PI4KA: variants seen among roughly 807,000 people sequenced by gnomAD.
PI4KA encodes PI4-kinase alpha.
A neutral mutation model predicts 271.4 loss-of-function variants in PI4KA; 122 were observed. That is an observed-to-expected ratio of 0.45 (90% CI 0.39 to 0.52). The LOEUF (loss-of-function observed/expected upper bound fraction) is 0.52. Among genes scored for constraint, PI4KA ranks in the 20% least tolerant of loss-of-function variants. PI4KA has a pLI of 0.00. For synonymous variants in PI4KA, 1,041 were observed against 1,078.8 expected (o/e 0.96, Z 0.69); for missense variants, 1,969 against 2,769.1 (o/e 0.71, Z 6.48).
chr22:20,800,496 C>T (rs769159378), intron 14 of PI4KA, among the ~76,000 whole-genome samples: 9 of 151,986 alleles, frequency 5.9e-5, no homozygotes, highest in South Asian at 2.1e-4. Context: ...TATGATGATA[C>T]GTTACTCTGG....
chr22:20,848,753 G>A (rs955224452), intron 1 of PI4KA, among the ~76,000 whole-genome samples: 1 of 151,868 alleles, frequency 6.6e-6, no homozygotes, highest in African/African-American at 2.4e-5. Context: ...ACAGGTGTAA[G>A]TCTTTGTGAC....
intron 19 of PI4KA, 33 bp downstream of exon 19, chr22:20,793,160 G>T (rs200872746): frequency 7.0e-6 from 9 of 1,280,868 alleles, no homozygotes; most frequent in Non-Finnish European, 1.0e-5. Context: ...CACAGTATCT[G>T]CAGTTTTTAT....
At chr22:20,716,112 G>A (rs1178101463) in intron 45 of PI4KA, among the ~76,000 whole-genome samples, 1 of 151,848 alleles carries the variant, frequency 6.6e-6, no homozygotes, top group African/African-American at 2.4e-5. Flanking sequence ...GCGCAGTGGC[G>A]CAATCTTGGC....
At chr22:20,808,747 C>G (rs1262969812) in intron 9 of PI4KA, among the ~76,000 whole-genome samples, 1 of 151,516 alleles carries the variant, frequency 6.6e-6, no homozygotes, top group Non-Finnish European at 1.5e-5. Flanking sequence ...GGTATGATCA[C>G]AGCTCACTGC....
At chr22:20,829,050 G>A (rs575591720) in intron 3 of PI4KA, among the ~76,000 whole-genome samples, 1 of 152,274 alleles carries the variant, frequency 6.6e-6, no homozygotes, top group Admixed American at 6.5e-5. Flanking sequence ...TTGATGTGCT[G>A]CTAGATTCAG....
intron 42 of PI4KA, chr22:20,721,983 T>A (rs1926787667): frequency 6.4e-6 from 1 of 155,662 alleles, no homozygotes; most frequent in African/African-American, 2.4e-5. Flanking sequence ...TGACAGCGAA[T>A]GAGTTCTCAG....
chr22:20,852,504 T>C (rs1033017125), intron 1 of PI4KA, among the ~76,000 whole-genome samples: 2 of 152,238 alleles, frequency 1.3e-5, no homozygotes, highest in Non-Finnish European at 2.9e-5. Context: ...TACTTTGTTA[T>C]GGCAGCCTAG....
At chr22:20,724,137 C>CGTTA (rs111897283) in intron 42 of PI4KA, among the ~76,000 whole-genome samples, 2 of 150,710 alleles carry the variant, frequency 1.3e-5, no homozygotes, top group African/African-American at 4.9e-5. Context: ...TGCGCCTAGC[C>CGTTA]ATTAATTAAT....
chr22:20,808,264 T>C (rs1380262011), intron 9 of PI4KA, among the ~76,000 whole-genome samples: 2 of 148,286 alleles, frequency 1.3e-5, no homozygotes, highest in African/African-American at 5.0e-5. Flanking sequence ...CACTCCAGCC[T>C]GGGCAACAAG....
Position 20,729,711 on chromosome 22 carries a change from C to T in PI4KA, c.4409G>A (p.Gly1470Asp), listed in dbSNP as rs1211135640. ...GCCCCGGTTGGTTTTCTTAGACATGCCTAGGAGGAAAGACAAAGCACAGGT... is the reference window on the plus strand; with the variant it reads ...GCCCCGGTTGGTTTTCTTAGACATGTCTAGGAGGAAAGACAAAGCACAGGT... ...SGMSTISKKSGMSKKTNRGSQ... is the reference protein window; with the variant it reads ...SGMSTISKKSDMSKKTNRGSQ... The change falls in exon 38 of 55, where the codon GGC (glycine) becomes GAC (aspartate). Residue 1470 changes from glycine (G) to aspartate (D), a missense_variant and splice_region_variant. Transcript: ENST00000255882. 1.9e-6 allele frequency: 3 copies of T among 1,592,508 alleles called. No homozygotes were observed. Among genetic ancestry groups the T allele is most frequent in the East Asian group, 2.3e-5 (1 of 44,418 alleles).
At chr22:20,822,962 G>C (rs1024392459) in intron 4 of PI4KA, among the ~76,000 whole-genome samples, 1 of 152,130 alleles carries the variant, frequency 6.6e-6, no homozygotes. Flanking sequence ...TATCCAGGCT[G>C]GAGTGCAATG....
intron 19 of PI4KA, among the ~76,000 whole-genome samples, chr22:20,789,204 G>T (rs1326492436): frequency 6.6e-6 from 1 of 152,196 alleles, no homozygotes; most frequent in Non-Finnish European, 1.5e-5. Flanking sequence ...AACTCTAGTA[G>T]CAGGTTCTGT....
chr22:20,787,170 C>T lies in PI4KA; in HGVS notation c.2328+6023G>A, dbSNP rs919826624. 6 of 1,069,240 alleles carry T rather than the reference C, an allele frequency of 5.6e-6. No individual in the cohort carries two copies. In the African/African-American group the frequency reaches 7.8e-5, roughly 14 times the overall value. The allele number at this position is 1,069,240 out of a possible 1,614,324, so 66.2% of individuals were successfully genotyped here. On this transcript the variant is annotated intron_variant, in intron 19 of 54. Transcript: ENST00000255882. ...TCTGGCATCATTTACGTAGTTTACGCTACCAATCTGAATTCGAGGCCCATA... is the reference window on the plus strand; with the variant it reads ...TCTGGCATCATTTACGTAGTTTACGTTACCAATCTGAATTCGAGGCCCATA...
Position 20,806,795 on chromosome 22 carries a change from A to C in PI4KA, c.1168+567T>G, listed in dbSNP as rs564503000. On this transcript the variant is annotated intron_variant, in intron 10 of 54. Transcript: ENST00000255882. The stretch of plus-strand genomic sequence containing the variant: ...ACATAGGCTGGAGTGCAGTGGCACG[A>C]TCTGGGCTCACTGCAACCTCCGCCT... 2.6e-5 allele frequency among the ~76,000 whole-genome samples: 4 copies of C among 151,918 alleles called. No individual in the cohort carries two copies. In the East Asian group the frequency reaches 7.8e-4, roughly 30 times the overall value.
chr22:20,773,478 G>A (rs888293072), intron 19 of PI4KA, among the ~76,000 whole-genome samples: 2 of 152,184 alleles, frequency 1.3e-5, no homozygotes, highest in Admixed American at 6.5e-5. Flanking sequence ...CCTGAATTTG[G>A]GAGGCACTGC....
At chr22:20,714,588 G>A in intron 46 of PI4KA, 40 bp downstream of exon 46, 9 of 1,614,004 alleles carry the variant, frequency 5.6e-6, no homozygotes, top group Non-Finnish European at 6.8e-6. Flanking sequence ...TTCGCACGCG[G>A]ACGCGTGGAA....
chr22:20,847,774 A>C (rs188611145), intron 1 of PI4KA, among the ~76,000 whole-genome samples: 4 of 152,176 alleles, frequency 2.6e-5, no homozygotes, highest in East Asian at 1.9e-4. Context: ...AACAAAAAAA[A>C]CCAGTAGAAC....
intron 11 of PI4KA, 116 bp downstream of exon 11, chr22:20,804,858 C>T: frequency 1.2e-6 from 1 of 824,924 alleles, no homozygotes; most frequent in Non-Finnish European, 2.0e-6. Context: ...CCTACTGCAA[C>T]TGCCTGTGCT....
intron 19 of PI4KA, among the ~76,000 whole-genome samples, chr22:20,771,056 T>C (rs1003372374): frequency 1.3e-5 from 2 of 152,152 alleles, no homozygotes; most frequent in African/African-American, 4.8e-5. Flanking sequence ...AAAAAATATC[T>C]AGCCATAAGA....
Sources: allele counts gnomAD v4.1 joint callset (sites outside exome capture counted in the v4.1 genomes callset), GRCh38; gene constraint gnomAD v4.1.1; transcripts MANE v1.5; gene names NCBI Gene and HGNC (gene_info 2026-07-23, HGNC 2026-07-21).